UCHL3: variants seen among roughly 807,000 people sequenced by gnomAD.
The protein encoded by UCHL3 is ubiquitin carboxyl-terminal hydrolase isozyme L3.
Under a neutral mutation model 35.8 loss-of-function variants are expected in UCHL3, and 22 were observed. That is an observed-to-expected ratio of 0.61 (90% CI 0.44 to 0.88). The LOEUF is 0.88. Among genes scored for constraint, UCHL3 ranks in the 40% least tolerant of loss-of-function variants. The pLI is 0.00. For synonymous variants in UCHL3, 90 were observed against 92.8 expected (o/e 0.97, Z 0.17); for missense variants, 229 against 276.9 (o/e 0.83, Z 1.23).
intron 2 of UCHL3, among the ~76,000 whole-genome samples, chr13:75,558,048 G>A (rs1270017343): frequency 6.7e-6 from 1 of 150,324 alleles, no homozygotes; most frequent in East Asian, 2.0e-4. Context: ...CTTTATAGCT[G>A]CTTTTATTCT....
At chr13:75,559,558 C>T (rs2031423200) in intron 2 of UCHL3, among the ~76,000 whole-genome samples, 1 of 152,150 alleles carries the variant, frequency 6.6e-6, no homozygotes, top group Admixed American at 6.5e-5. Flanking sequence ...ACAGGAAGGT[C>T]TTGTCTTACA....
intron 5 of UCHL3, 62 bp downstream of exon 5, chr13:75,567,374 T>G: frequency 7.0e-7 from 1 of 1,421,258 alleles, no homozygotes; most frequent in South Asian, 1.2e-5. Flanking sequence ...TGTAGATGTG[T>G]TTGGGGGTTT....
intron 2 of UCHL3, among the ~76,000 whole-genome samples, chr13:75,551,524 A>C (rs1489064350): frequency 2.0e-5 from 3 of 152,202 alleles, no homozygotes; most frequent in Non-Finnish European, 4.4e-5. Context: ...ACTGCAAATC[A>C]GTATCCCTTA....
At chr13:75,590,985 G>T (rs2032464926) in intron 6 of UCHL3, among the ~76,000 whole-genome samples, 1 of 152,148 alleles carries the variant, frequency 6.6e-6, no homozygotes, top group Non-Finnish European at 1.5e-5. Flanking sequence ...AATGACTGTG[G>T]TTTGGCAGAG....
Position 75,560,018 on chromosome 13 carries a change from A to G in UCHL3, c.55-735A>G, listed in dbSNP as rs768876397. ...TTTTGTTACAGTTATTTTGCCAGAT[A>G]TAAGAGAGGCAATGAAGTTAAGTAG... On this transcript the variant is annotated intron_variant, in intron 2 of 8. Transcript: ENST00000377595. Among the ~76,000 whole-genome samples the G allele has an allele frequency of 4.8e-4, 73 of 152,336 alleles. No homozygotes were observed. The Middle Eastern group carries it at 0.01, about 21-fold the overall frequency.
chr13:75,550,006 G>T lies in UCHL3; in HGVS notation c.54+19G>T. ...CAACCAGGTGAGTGAGGTGTCTGTC[G>T]CTCGGGACCTCGGAGTCTTTTCTGT... is the stretch of plus-strand genomic sequence containing the variant. On this transcript the variant is annotated intron_variant, in intron 2 of 8. Coordinates refer to ENST00000377595, the MANE Select transcript of UCHL3 (RefSeq NM_006002.5). 1 of 1,614,222 alleles carries T rather than the reference G, an allele frequency of 6.2e-7. No homozygotes were observed. The highest frequency in any genetic ancestry group is 8.5e-7 in the Non-Finnish European group (1 of 1,180,040).
chr13:75,569,756 G>T (rs1205744585), intron 6 of UCHL3, among the ~76,000 whole-genome samples: 1 of 152,242 alleles, frequency 6.6e-6, no homozygotes, highest in Non-Finnish European at 1.5e-5. Flanking sequence ...AGATAATGCA[G>T]ATTGTGTGCT....
At chr13:75,585,255 T>C (rs1163749591) in intron 6 of UCHL3, among the ~76,000 whole-genome samples, 1 of 151,912 alleles carries the variant, frequency 6.6e-6, no homozygotes, top group Admixed American at 6.6e-5. Context: ...AATTCAAAGA[T>C]AAATGGAAAA....
chr13:75,564,427 G>A (rs2031619818), intron 3 of UCHL3, among the ~76,000 whole-genome samples: 2 of 152,124 alleles, frequency 1.3e-5, no homozygotes, highest in African/African-American at 4.8e-5. Context: ...TGGGATTACA[G>A]GTGTGAGCCA....
intron 6 of UCHL3, 21 bp downstream of exon 6, chr13:75,569,528 A>T (rs1189785339): frequency 6.2e-7 from 1 of 1,600,436 alleles, no homozygotes. Flanking sequence ...TTTTTTCTAA[A>T]TTTTTCTTGC....
intron 6 of UCHL3, among the ~76,000 whole-genome samples, chr13:75,572,636 C>A (rs781217157): frequency 1.3e-5 from 2 of 152,076 alleles, no homozygotes; most frequent in African/African-American, 4.8e-5. Context: ...AGAATTAGCT[C>A]AGAACTGTCC....
chr13:75,590,159 TC>T (rs1298099588), intron 6 of UCHL3: 10 of 1,284,426 alleles, frequency 7.8e-6, no homozygotes, highest in Non-Finnish European at 1.0e-5. Flanking sequence ...CGTCTCTTCT[TC>T]CAGTGACAAG....
chr13:75,575,855 G>T (rs147698309), intron 6 of UCHL3, among the ~76,000 whole-genome samples: 2 of 151,752 alleles, frequency 1.3e-5, no homozygotes, highest in Non-Finnish European at 2.9e-5. Flanking sequence ...TGGTTCAAGC[G>T]ATTCCCCTGC....
intron 6 of UCHL3, among the ~76,000 whole-genome samples, chr13:75,592,419 T>G (rs2032503568): frequency 2.4e-5 from 1 of 42,282 alleles, no homozygotes; most frequent in East Asian, 5.6e-4. Context: ...TTCCTTCATA[T>G]ATATATATAT....
chr13:75,589,678 C>A (rs2032423000), intron 6 of UCHL3, among the ~76,000 whole-genome samples: 1 of 151,750 alleles, frequency 6.6e-6, no homozygotes, highest in Non-Finnish European at 1.5e-5. Context: ...TTCCATGAGT[C>A]TGTGCTATGC....
At chr13:75,590,317 A>G in intron 6 of UCHL3, 1 of 868,054 alleles carries the variant, frequency 1.2e-6, no homozygotes, top group Non-Finnish European at 1.4e-6. Flanking sequence ...CCAGTGCCTC[A>G]GAACATCCAT....
chr13:75,552,202 G>T (rs981287255), intron 2 of UCHL3, among the ~76,000 whole-genome samples: 4 of 152,156 alleles, frequency 2.6e-5, no homozygotes, highest in African/African-American at 9.7e-5. Flanking sequence ...GTAAGAAACG[G>T]TTATAACTAA....
At chr13:75,581,601 T>C (rs1391538360) in intron 6 of UCHL3, among the ~76,000 whole-genome samples, 1 of 151,232 alleles carries the variant, frequency 6.6e-6, no homozygotes, top group East Asian at 1.9e-4. Flanking sequence ...CAAGTGATCT[T>C]TCTGCCCTGG....
At chr13:75,586,903 A>T (rs1297522073) in intron 6 of UCHL3, among the ~76,000 whole-genome samples, 1 of 151,786 alleles carries the variant, frequency 6.6e-6, no homozygotes, top group Admixed American at 6.6e-5. Flanking sequence ...TGAAATGCTT[A>T]TAGTAGAAAA....
Sources: gnomAD v4.1 joint callset for allele counts (sites outside exome capture counted in the v4.1 genomes callset) on GRCh38, gnomAD v4.1.1 for gene constraint, MANE v1.5 for transcripts, NCBI Gene and HGNC (gene_info 2026-07-23, HGNC 2026-07-21) for gene names.